Variants in FAM13A observed in about 807,000 individuals in gnomAD.
FAM13A encodes protein FAM13A.
Under a neutral mutation model 129.6 loss-of-function variants are expected in FAM13A, and 76 were observed. The ratio of observed to expected loss-of-function variants is 0.59; its 90% CI spans 0.49 to 0.71. The LOEUF is 0.71. Ranked by LOEUF, FAM13A falls within the 30% of genes least tolerant of loss-of-function variation. The pLI, the probability that FAM13A is intolerant of heterozygous loss-of-function variation, is 0.00. For synonymous variants in FAM13A, 443 were observed against 449.9 expected (o/e 0.98, Z 0.20); for missense variants, 1,108 against 1,249.3 (o/e 0.89, Z 1.70).
At chr4:88,978,793 C>CA (rs1307709312) in intron 4 of FAM13A, among the ~76,000 whole-genome samples, 57 of 135,366 alleles carry the variant, frequency 4.2e-4, no homozygotes, top group East Asian at 1.3e-3. Context: ...GACTCCGTCT[C>CA]AAAAAAAAAA....
At chr4:89,052,631 G>C (rs897164269) in intron 1 of FAM13A, among the ~76,000 whole-genome samples, 1 of 151,940 alleles carries the variant, frequency 6.6e-6, no homozygotes, top group African/African-American at 2.4e-5. Context: ...TTATCTTGGA[G>C]AATACCTCCT....
At chr4:88,876,272 C>T (rs1186452145) in intron 6 of FAM13A, among the ~76,000 whole-genome samples, 1 of 151,806 alleles carries the variant, frequency 6.6e-6, no homozygotes, top group Non-Finnish European at 1.5e-5. Flanking sequence ...CACATGTACC[C>T]TAGAACTTAA....
intron 4 of FAM13A, among the ~76,000 whole-genome samples, chr4:88,980,113 T>C (rs573551426): frequency 3.9e-4 from 59 of 152,218 alleles, no homozygotes; most frequent in Non-Finnish European, 6.9e-4. Flanking sequence ...AGACATGCCA[T>C]GATAAACAAC....
chr4:88,728,695 A>G, intron 23 of FAM13A, 36 bp from the exon 24 acceptor site: 1 of 1,612,496 alleles, frequency 6.2e-7, no homozygotes, highest in Non-Finnish European at 8.5e-7. Flanking sequence ...TCTGAGGATC[A>G]TTTTCTGTCT....
intron 11 of FAM13A, among the ~76,000 whole-genome samples, chr4:88,778,709 TACTGAG>T (rs1722264305): frequency 6.6e-6 from 1 of 152,250 alleles, no homozygotes; most frequent in Non-Finnish European, 1.5e-5. Flanking sequence ...GTCACTGTTC[TACTGAG>T]AACTCAATGG....
intron 6 of FAM13A, among the ~76,000 whole-genome samples, chr4:88,881,478 T>C (rs1248860498): frequency 1.3e-5 from 2 of 152,134 alleles, no homozygotes; most frequent in Non-Finnish European, 2.9e-5. Flanking sequence ...TATAAACAGC[T>C]GACCTTGAGC....
chr4:88,767,975 A>G lies in FAM13A; in HGVS notation c.1535+8T>C. ...GGAAAGAATATTAGGAGACAATTCTAAAATTACCTTTCATCAGACATCCAT... is the reference window on the plus strand; with the variant it reads ...GGAAAGAATATTAGGAGACAATTCTGAAATTACCTTTCATCAGACATCCAT... On this transcript the variant is annotated splice_region_variant and intron_variant, in intron 12 of 23. Coordinates refer to ENST00000264344, the MANE Select transcript of FAM13A (RefSeq NM_014883.4). The G allele has an allele frequency of 6.4e-7, 1 of 1,561,982 alleles. No individual in the cohort carries two copies. Among genetic ancestry groups the G allele is most frequent in the South Asian group, 1.1e-5 (1 of 89,852 alleles).
At chr4:88,847,464 T>C (rs1451599144) in intron 7 of FAM13A, among the ~76,000 whole-genome samples, 1 of 152,194 alleles carries the variant, frequency 6.6e-6, no homozygotes, top group African/African-American at 2.4e-5. Flanking sequence ...CTGGGGATAA[T>C]ATATGCCAAC....
At position 88,987,877 on chromosome 4, in the gene FAM13A, C is replaced by T. The variant is rs1389209551; in HGVS notation, c.605+3096G>A. On this transcript the variant is annotated intron_variant, in intron 4 of 23. Transcript: ENST00000264344. ...AAAACTTAATCTGAATATAACTTGA[C>T]TTATATATGACTTATAGATTATAGT... is the stretch of plus-strand genomic sequence containing the variant. 2.1e-5 allele frequency among the ~76,000 whole-genome samples: 3 copies of T among 139,672 alleles called. No homozygotes were observed. In the East Asian group the frequency reaches 6.6e-4, roughly 31 times the overall value. 91.6% of individuals were successfully genotyped at this position (139,672 alleles called of 152,430 possible).
intron 20 of FAM13A, 46 bp from the exon 21 acceptor site, chr4:88,737,601 C>A: frequency 6.6e-7 from 1 of 1,508,876 alleles, no homozygotes; most frequent in South Asian, 1.1e-5. Context: ...ACCCCTTTCC[C>A]TTTCCCTCCA....
At chr4:88,859,267 T>C (rs748124236) in intron 6 of FAM13A, among the ~76,000 whole-genome samples, 9 of 152,036 alleles carry the variant, frequency 5.9e-5, no homozygotes, top group Non-Finnish European at 1.3e-4. Flanking sequence ...AATGATTCAA[T>C]AGACAGACAT....
intron 20 of FAM13A, among the ~76,000 whole-genome samples, chr4:88,738,417 A>G (rs548167607): frequency 6.6e-6 from 1 of 152,184 alleles, no homozygotes; most frequent in East Asian, 1.9e-4. Flanking sequence ...GGCCCTAAAG[A>G]CTTCCTGTCG....
intron 1 of FAM13A, among the ~76,000 whole-genome samples, chr4:89,039,947 T>C (rs1769891819): frequency 6.6e-6 from 1 of 151,368 alleles, no homozygotes; most frequent in South Asian, 2.1e-4. Flanking sequence ...AGCAAGACAC[T>C]GTCTCTTTAA....
chr4:89,045,596 A>G (rs2149169310), intron 1 of FAM13A, among the ~76,000 whole-genome samples: 1 of 152,390 alleles, frequency 6.6e-6, no homozygotes, highest in African/African-American at 2.4e-5. Context: ...CTAACAATAA[A>G]GAATCTTTTG....
intron 11 of FAM13A, among the ~76,000 whole-genome samples, chr4:88,770,589 A>G (rs1461909686): frequency 6.6e-6 from 1 of 152,180 alleles, no homozygotes; most frequent in African/African-American, 2.4e-5. Context: ...TAAAAAAGAA[A>G]TATTCAGGAA....
Position 89,020,548 on chromosome 4 carries a change from TGCTGAGCAGACA to T in FAM13A, c.327_338del (p.Asp109_Ala113delinsGlu). On this transcript the variant is annotated inframe_deletion, in exon 3 of 24. Transcript: ENST00000264344. ...TCAGAAACAGCTTCAACAGACTGGC[TGCTGAGCAGACA>T]TCACCGTCCTTCCCGAGCTCCACGG... 1 of 1,614,162 alleles carries T rather than the reference TGCTGAGCAGACA, an allele frequency of 6.2e-7. No homozygotes were observed. The highest frequency in any genetic ancestry group is 8.5e-7 in the Non-Finnish European group (1 of 1,180,012).
chr4:88,963,299 CTT>C (rs768059079), intron 4 of FAM13A, among the ~76,000 whole-genome samples: 27 of 138,214 alleles, frequency 2.0e-4, no homozygotes, highest in Admixed American at 3.6e-4. Flanking sequence ...CATTTAAAAT[CTT>C]TTTTTTTTTT....
intron 4 of FAM13A, among the ~76,000 whole-genome samples, chr4:88,977,964 C>T (rs967032289): frequency 6.6e-6 from 1 of 152,144 alleles, no homozygotes; most frequent in Admixed American, 6.5e-5. Flanking sequence ...GTGATACAAA[C>T]TCATGTTCTC....
chr4:88,910,009 CT>C (rs1219162852), intron 5 of FAM13A, among the ~76,000 whole-genome samples: 1 of 152,052 alleles, frequency 6.6e-6, no homozygotes, highest in Non-Finnish European at 1.5e-5. Context: ...TTTAGAAGAA[CT>C]TTTTAGAAAA....
Sources: allele counts gnomAD v4.1 joint callset (sites outside exome capture counted in the v4.1 genomes callset), GRCh38; gene constraint gnomAD v4.1.1; transcripts MANE v1.5; gene names NCBI Gene and HGNC (gene_info 2026-07-23, HGNC 2026-07-21).